Variants in KDM5A observed in about 807,000 individuals in gnomAD.
KDM5A encodes the protein lysine demethylase 5A, also known as lysine-specific demethylase 5A.
A neutral mutation model predicts 193.5 loss-of-function variants in KDM5A; 42 were observed. The ratio of observed to expected loss-of-function variants is 0.22; its 90% confidence interval spans 0.17 to 0.28. The LOEUF is 0.28. Ranked by LOEUF, KDM5A falls within the 10% of genes least tolerant of loss-of-function variation. KDM5A has a pLI of 1.00. For synonymous variants in KDM5A, 796 were observed against 718.1 expected, an observed-to-expected ratio of 1.11 and a Z score of -1.73; for missense variants, 1,692 against 2,055.1, an observed-to-expected ratio of 0.82 and a Z score of 3.42.
chr12:315,704 AAAG>A (rs554717377), intron 19 of KDM5A, among the ~76,000 whole-genome samples: 94 of 152,318 alleles, frequency 6.2e-4, no homozygotes, highest in African/African-American at 2.1e-3. Context: ...GTTTGAGGAT[AAAG>A]AAGAAGGGAA....
intron 27 of KDM5A, among the ~76,000 whole-genome samples, chr12:288,819 A>G (rs1943252614): frequency 6.6e-6 from 1 of 152,244 alleles, no homozygotes; most frequent in East Asian, 1.9e-4. Context: ...TTTGCCAAGG[A>G]ATGACAGATT....
rs151202881 is a variant in KDM5A, at chr12:324,941, T to C, written c.1969-1160A>G. Among the ~76,000 whole-genome samples the C allele has an allele frequency of 1.1e-3, 168 of 152,244 alleles. 2 individuals carry two copies. Among genetic ancestry groups the C allele is most frequent in the African/African-American group, 3.9e-3 (162 of 41,548 alleles). ...TTTTACCAAACACCTCCATTTATTA[T>C]ATAACTTTACAGTTTCTGCTTACTT... On this transcript the variant is annotated intron_variant, in intron 14 of 27. Transcript: ENST00000399788.
In KDM5A at chr12:310,963, C is replaced by G. The variant is rs1469589499; in HGVS notation, c.3138G>C (p.Gln1046His). The change falls in exon 21 of 28, where the codon CAG becomes CAC. Residue 1046 changes from glutamine to histidine, a missense_variant. Physicochemically the swap from Gln to His is conservative, Grantham distance 24 (BLOSUM62 0). This residue lies in a region of KDM5A where 965 missense variants were observed against 1,061.0 expected (regional missense o/e 0.91). Transcript: ENST00000399788. ...CTCTCCATGCCCGTGCTGCTGCTAC[C>G]TGTGATTCCACTTGCGGCAGTGCTT... is the stretch of plus-strand genomic sequence containing the variant. Reference protein sequence around the residue: ...RLEALPQVESQVAAARAWRER... With the variant: ...RLEALPQVESHVAAARAWRER... The G allele has an allele frequency of 6.2e-7, 1 of 1,614,098 alleles. No individual in the cohort carries two copies. The highest frequency in any genetic ancestry group is 1.3e-5 in the African/African-American group (1 of 74,934).
chr12:289,714 C>CAAA (rs774919490), intron 27 of KDM5A, among the ~76,000 whole-genome samples: 18,565 of 78,546 alleles, frequency 0.24, 1,619 homozygotes, highest in South Asian at 0.32. Flanking sequence ...GACCCTGTCT[C>CAAA]AAAAAAAAAA....
Position 285,074 on chromosome 12 carries a change from G to A in KDM5A, c.*382C>T. On this transcript the variant is annotated 3_prime_UTR_variant, in exon 28 of 28. Coordinates refer to ENST00000399788, the MANE Select transcript of KDM5A (RefSeq NM_001042603.3). Reference sequence around the variant, plus strand: ...GCAATTAGCACCTTCAGTTGGTGCTGCTCCTAAGTTGTAAGCCTCTAACTA... The same window carrying A: ...GCAATTAGCACCTTCAGTTGGTGCTACTCCTAAGTTGTAAGCCTCTAACTA... 3.2e-6 allele frequency: 1 copy of A among 311,276 alleles called. No homozygotes were observed. The allele number at this position is 311,276 out of a possible 1,614,324, so 19.3% of individuals were successfully genotyped here. A position where few individuals can be genotyped will look rare whatever the true frequency, so the allele number is the denominator to read the frequency against.
At chr12:286,202 A>G in intron 27 of KDM5A, 1 of 502,338 alleles carries the variant, frequency 2.0e-6, no homozygotes, top group Non-Finnish European at 4.1e-6. Flanking sequence ...TTACAAATAC[A>G]ACTCCCTATA....
At chr12:292,297 G>T (rs1476253263) in intron 27 of KDM5A, among the ~76,000 whole-genome samples, 1 of 152,162 alleles carries the variant, frequency 6.6e-6, no homozygotes, top group Non-Finnish European at 1.5e-5. Context: ...AGCTCTGAGT[G>T]TAAGATATGG....
At chr12:377,835 T>TA (rs1176618547) in intron 3 of KDM5A, among the ~76,000 whole-genome samples, 5 of 151,890 alleles carry the variant, frequency 3.3e-5, no homozygotes, top group Non-Finnish European at 7.4e-5. Context: ...CAGGTGACCT[T>TA]AAAAAAACAC....
chr12:363,203 G>A (rs11062609), intron 4 of KDM5A, 106 bp from the exon 5 acceptor site: 206 of 1,286,864 alleles, frequency 1.6e-4, no homozygotes, highest in Non-Finnish European at 1.9e-4. Context: ...AAACTAGACC[G>A]CAATTATTTC....
At chr12:354,271 T>A (rs751513933) in intron 7 of KDM5A, 37 bp from the exon 8 acceptor site, 1 of 1,414,060 alleles carries the variant, frequency 7.1e-7, no homozygotes, top group Non-Finnish European at 9.7e-7. Context: ...CTATTTTCTA[T>A]AATAAATAAT....
In KDM5A at chr12:289,907, C is replaced by CTTTTTTTTTTTTTTTTTTTTTTTTT. The variant is rs750918968; in HGVS notation, c.4866+2851_4866+2852insAAAAAAAAAAAAAAAAAAAAAAAAA. On this transcript the variant is annotated intron_variant, in intron 27 of 27. Coordinates refer to ENST00000399788, the MANE Select transcript of KDM5A (RefSeq NM_001042603.3). ...AAAAAGCATGATTTTTTCTTTCTTTCTTTTTTTTTTTTTTTTTTTTTTTAC... is the reference window on the plus strand; with the variant it reads ...AAAAAGCATGATTTTTTCTTTCTTTCTTTTTTTTTTTTTTTTTTTTTTTTTTTTTTTTTTTTTTTTTTTTTTTTAC... Among the ~76,000 whole-genome samples the CTTTTTTTTTTTTTTTTTTTTTTTTT allele has an allele frequency of 3.3e-4, 33 of 99,638 alleles. 2 individuals are homozygous for CTTTTTTTTTTTTTTTTTTTTTTTTT. The highest frequency in any genetic ancestry group is 2.7e-3 in the East Asian group (6 of 2,252). The allele number at this position is 99,638 out of a possible 152,430, so 65.4% of individuals were successfully genotyped here.
intron 3 of KDM5A, among the ~76,000 whole-genome samples, chr12:378,255 T>C (rs1434092034): frequency 6.6e-6 from 1 of 152,096 alleles, no homozygotes; most frequent in Non-Finnish European, 1.5e-5. Flanking sequence ...AGGGAGATGC[T>C]GATTTTCATT....
rs746437659 is a variant in KDM5A at position 389,107 on chromosome 12, G to A, written c.-16C>T. 12 of 1,543,352 alleles carry A rather than the reference G, an allele frequency of 7.8e-6. No homozygotes were observed. Among genetic ancestry groups the A allele is most frequent in the East Asian group, 7.2e-5 (3 of 41,604 alleles). Reference sequence around the variant, plus strand: ...CGCCCGCCATTGCAACGGCCGGGGGGGGGGGGGGGTCCCCGTGGGGAACCG... The same window carrying A: ...CGCCCGCCATTGCAACGGCCGGGGGAGGGGGGGGGTCCCCGTGGGGAACCG... On this transcript the variant is annotated 5_prime_UTR_variant, in exon 1 of 28. Transcript: ENST00000399788.
At chr12:297,555 A>G (rs1943388454) in intron 24 of KDM5A, among the ~76,000 whole-genome samples, 1 of 152,246 alleles carries the variant, frequency 6.6e-6, no homozygotes, top group African/African-American at 2.4e-5. Context: ...AAGACCCTAA[A>G]GCCTGATAAA....
At chr12:357,826 T>A (rs1944245394) in intron 5 of KDM5A, among the ~76,000 whole-genome samples, 1 of 5,574 alleles carries the variant, frequency 1.8e-4, no homozygotes, top group East Asian at 2.5e-3. Flanking sequence ...AGACTCAGTC[T>A]CAAAAAAAAA....
Position 384,001 on chromosome 12 carries a change from C to T in KDM5A, c.366+30G>A, listed in dbSNP as rs763531355. The T allele has an allele frequency of 3.1e-6, 5 of 1,608,916 alleles. No homozygotes were observed. In the Admixed American group the frequency reaches 8.3e-5, roughly 27 times the overall value. ...ATATTCCTAAATTCACAAGCCTGTG[C>T]TCTAATTTCTAAACCAGTATGAGCC... On this transcript the variant is annotated intron_variant, in intron 3 of 27. Coordinates refer to ENST00000399788, the MANE Select transcript of KDM5A (RefSeq NM_001042603.3).
At chr12:342,774 T>TA (rs78058969) in intron 10 of KDM5A, among the ~76,000 whole-genome samples, 7,609 of 126,732 alleles carry the variant, frequency 0.06, 515 homozygotes, top group East Asian at 0.33. Context: ...AAATGTGATT[T>TA]AAAAAAAAAA....
Position 323,210 on chromosome 12 carries a change from C to CAAAAAAAAGAAAAAAAAAAAAAAAA in KDM5A, c.2151-5_2151-4insTTTTTTTTTTTTTTTTCTTTTTTTT. On this transcript the variant is annotated splice_polypyrimidine_tract_variant and splice_region_variant and intron_variant, in intron 15 of 27. Transcript: ENST00000399788. ...GTCTTCTAATGGGTAGCGATATCTA[C>CAAAAAAAAGAAAAAAAAAAAAAAAA]AAAAAAAAAAAAAAAAAAAAAAAAA... 1 of 294,574 alleles carries CAAAAAAAAGAAAAAAAAAAAAAAAA rather than the reference C, an allele frequency of 3.4e-6. No homozygotes were observed. 18.2% of individuals were successfully genotyped at this position (294,574 alleles called of 1,614,324 possible).
At chr12:385,320 T>C (rs1453376395) in intron 2 of KDM5A, among the ~76,000 whole-genome samples, 1 of 151,862 alleles carries the variant, frequency 6.6e-6, no homozygotes. Flanking sequence ...CATATCACAA[T>C]GAAGAACCTT....
Sources: allele counts gnomAD v4.1 joint callset (sites outside exome capture counted in the v4.1 genomes callset), GRCh38; gene constraint gnomAD v4.1.1; regional missense constraint gnomAD v4.1.1; transcripts MANE v1.5; gene names NCBI Gene and HGNC (gene_info 2026-07-23, HGNC 2026-07-21).